RNF13: variants seen among roughly 807,000 people sequenced by gnomAD.
RNF13 encodes ring finger protein 13.
In RNF13, 19 loss-of-function variants were observed where a neutral mutation model predicts 37.7. That is an observed-to-expected ratio of 0.50 (90% confidence interval 0.35 to 0.74). RNF13 has a LOEUF of 0.74. Ranked by LOEUF, RNF13 falls within the 30% of genes least tolerant of loss-of-function variation. The pLI, the probability that RNF13 is intolerant of heterozygous loss-of-function variation, is 0.01. For synonymous variants in RNF13, 144 were observed against 157.8 expected (o/e 0.91, Z 0.65); for missense variants, 375 against 453.0 (o/e 0.83, Z 1.56).
chr3:149,909,442 ATTTTTTT>A (rs35918938), intron 6 of RNF13, among the ~76,000 whole-genome samples: 2 of 114,422 alleles, frequency 1.7e-5, no homozygotes, highest in South Asian at 3.0e-4. Context: ...TGCCTGGTTA[ATTTTTTT>A]TTTTTTTTTT....
chr3:149,830,213 T>C (rs1376281245), intron 1 of RNF13, among the ~76,000 whole-genome samples: 1 of 46,354 alleles, frequency 2.2e-5, no homozygotes, highest in African/African-American at 9.2e-5. Flanking sequence ...ACTTTGGAAC[T>C]GGATAACAGG....
At chr3:149,916,897 G>T (rs1363291168) in intron 7 of RNF13, among the ~76,000 whole-genome samples, 1 of 151,814 alleles carries the variant, frequency 6.6e-6, no homozygotes, top group East Asian at 1.9e-4. Flanking sequence ...TTTCTTTCTA[G>T]TATATGCATT....
At chr3:149,866,345 C>T (rs1394492762) in intron 3 of RNF13, among the ~76,000 whole-genome samples, 1 of 152,170 alleles carries the variant, frequency 6.6e-6, no homozygotes, top group Non-Finnish European at 1.5e-5. Context: ...ATTTATGCCT[C>T]CCCTTTTTAG....
intron 6 of RNF13, among the ~76,000 whole-genome samples, chr3:149,907,210 T>C (rs1323525875): frequency 6.6e-6 from 1 of 152,168 alleles, no homozygotes; most frequent in African/African-American, 2.4e-5. Flanking sequence ...TAGTTTTATC[T>C]TTTCCTTTCC....
At chr3:149,915,439 G>A (rs919148942) in intron 7 of RNF13, among the ~76,000 whole-genome samples, 4 of 152,118 alleles carry the variant, frequency 2.6e-5, no homozygotes, top group Admixed American at 2.0e-4. Context: ...AACCACTAAA[G>A]AATACAGTAT....
At chr3:149,940,703 A>G (rs769440224) in intron 8 of RNF13, among the ~76,000 whole-genome samples, 2 of 152,160 alleles carry the variant, frequency 1.3e-5, no homozygotes, top group South Asian at 2.1e-4. Context: ...AGAAAAACAC[A>G]TAACAATAAA....
intron 3 of RNF13, among the ~76,000 whole-genome samples, chr3:149,871,149 C>G (rs2931374): frequency 1.3e-5 from 2 of 150,232 alleles, no homozygotes; most frequent in Non-Finnish European, 3.0e-5. Flanking sequence ...TCAAGCCATT[C>G]TCCTGCCTCA....
chr3:149,873,670 A>T (rs1205588177), intron 4 of RNF13, among the ~76,000 whole-genome samples: 1 of 151,984 alleles, frequency 6.6e-6, no homozygotes, highest in Non-Finnish European at 1.5e-5. Context: ...CCACCCATTT[A>T]TCTGTCTCAT....
chr3:149,891,274 G>C (rs1252904011), intron 4 of RNF13, among the ~76,000 whole-genome samples: 1 of 152,154 alleles, frequency 6.6e-6, no homozygotes, highest in Non-Finnish European at 1.5e-5. Flanking sequence ...CATGTATAAA[G>C]CACTAGCACA....
intron 1 of RNF13, among the ~76,000 whole-genome samples, chr3:149,835,532 C>T (rs1354403754): frequency 6.6e-6 from 1 of 152,000 alleles, no homozygotes; most frequent in Non-Finnish European, 1.5e-5. Context: ...GTTTGGTTTT[C>T]CATTCCTGAG....
chr3:149,923,179 A>T (rs984683063), intron 8 of RNF13, among the ~76,000 whole-genome samples: 7 of 152,200 alleles, frequency 4.6e-5, no homozygotes, highest in African/African-American at 1.7e-4. Context: ...CTAAAAATGC[A>T]CTGCATTTTA....
chr3:149,825,970 A>C (rs1720462534), intron 1 of RNF13, among the ~76,000 whole-genome samples: 3 of 152,054 alleles, frequency 2.0e-5, no homozygotes, highest in South Asian at 2.1e-4. Context: ...TTGTATCTTT[A>C]TATTTACTGT....
chr3:149,895,612 C>A, intron 5 of RNF13, 52 bp downstream of exon 5: 1 of 1,209,484 alleles, frequency 8.3e-7, no homozygotes, highest in Non-Finnish European at 1.2e-6. Flanking sequence ...TCATTTGTAA[C>A]TAAAAATTAA....
intron 4 of RNF13, among the ~76,000 whole-genome samples, chr3:149,882,424 T>G (rs1050897528): frequency 3.3e-5 from 5 of 152,116 alleles, no homozygotes; most frequent in South Asian, 2.1e-4. Flanking sequence ...ATATGAGAGA[T>G]ATTTTTCTAG....
chr3:149,940,666 CCTT>C (rs1720155868), intron 8 of RNF13, among the ~76,000 whole-genome samples: 1 of 152,020 alleles, frequency 6.6e-6, no homozygotes, highest in Admixed American at 6.6e-5. Flanking sequence ...TTTTTCTTCA[CCTT>C]TTTTTGCTTG....
At chr3:149,880,958 A>G (rs952612092) in intron 4 of RNF13, among the ~76,000 whole-genome samples, 4 of 152,232 alleles carry the variant, frequency 2.6e-5, no homozygotes, top group Admixed American at 1.3e-4. Flanking sequence ...TAGTTTGTAT[A>G]CAGCACACAG....
At chr3:149,855,647 C>T (rs1269259005) in intron 3 of RNF13, among the ~76,000 whole-genome samples, 3 of 149,466 alleles carry the variant, frequency 2.0e-5, no homozygotes, top group African/African-American at 7.4e-5. Flanking sequence ...TTTTTTTTCC[C>T]CCAAAGTTGT....
intron 1 of RNF13, among the ~76,000 whole-genome samples, chr3:149,838,038 A>G (rs997542809): frequency 6.6e-6 from 1 of 152,188 alleles, no homozygotes; most frequent in Non-Finnish European, 1.5e-5. Context: ...TACAGGCCCC[A>G]TGCAAGTCCA....
At chr3:149,843,375 A>G (rs1425764327) in intron 1 of RNF13, among the ~76,000 whole-genome samples, 1 of 152,206 alleles carries the variant, frequency 6.6e-6, no homozygotes, top group Non-Finnish European at 1.5e-5. Flanking sequence ...GTTATACATC[A>G]AAGTATGAGC....
Sources: gnomAD v4.1 joint callset for allele counts (sites outside exome capture counted in the v4.1 genomes callset) on GRCh38, gnomAD v4.1.1 for gene constraint, MANE v1.5 for transcripts, NCBI Gene and HGNC (gene_info 2026-07-23, HGNC 2026-07-21) for gene names.